The following ALK variants were observed in gnomAD, a reference collection of about 807,000 sequenced individuals.
The protein encoded by ALK is ALK receptor tyrosine kinase.
Under a neutral mutation model 163.1 loss-of-function variants are expected in ALK, and 74 were observed. The observed-to-expected ratio is 0.45, with a 90% CI of 0.38 to 0.55. The LOEUF (loss-of-function observed/expected upper bound fraction) is 0.55. Ranked by LOEUF, ALK falls within the 20% of genes least tolerant of loss-of-function variation. The pLI is 0.00. For synonymous variants in ALK, 960 were observed against 843.2 expected, an observed-to-expected ratio of 1.14 and a Z score of -2.40; for missense variants, 2,063 against 2,105.3, an observed-to-expected ratio of 0.98 and a Z score of 0.39.
intron 4 of ALK, among the ~76,000 whole-genome samples, chr2:29,481,322 C>T (rs1248408766): frequency 6.6e-6 from 1 of 152,162 alleles, no homozygotes; most frequent in Non-Finnish European, 1.5e-5. Flanking sequence ...AAGCAACTCC[C>T]CTGTAAACAA....
At position 29,326,543 on chromosome 2, in the gene ALK, GCAGGA is replaced by G. The variant is rs200273729; in HGVS notation, c.1414+1802_1414+1806del. 8.6e-3 allele frequency among the ~76,000 whole-genome samples: 1,317 copies of G among 152,282 alleles called. 31 individuals are homozygous for G. The highest frequency in any genetic ancestry group is 0.03 in the African/African-American group (1,229 of 41,548). ...CAGGCCCCTGAACAGGGCACTGTGG[GCAGGA>G]CTGGCTTCACTTTGGGCCATGTGTG... is the stretch of plus-strand genomic sequence containing the variant. On this transcript the variant is annotated intron_variant, in intron 6 of 28. Transcript: ENST00000389048.
intron 3 of ALK, among the ~76,000 whole-genome samples, chr2:29,582,754 A>G (rs759346119): frequency 7.9e-5 from 12 of 152,218 alleles, no homozygotes; most frequent in Non-Finnish European, 1.3e-4. Context: ...TAAAATACAG[A>G]TGCAGAGAAA....
At chr2:29,903,460 C>T (rs915222689) in intron 1 of ALK, among the ~76,000 whole-genome samples, 23 of 152,144 alleles carry the variant, frequency 1.5e-4, no homozygotes, top group Non-Finnish European at 7.4e-5. Flanking sequence ...TCAAACACTC[C>T]CTTGTCCCTC....
intron 1 of ALK, among the ~76,000 whole-genome samples, chr2:29,906,463 AAGG>A (rs1244771068): frequency 1.4e-4 from 21 of 152,202 alleles, no homozygotes; most frequent in Non-Finnish European, 2.5e-4. Context: ...GAATGAAAAG[AAGG>A]AGGAGACAAA....
chr2:29,593,336 G>C (rs1675115832), intron 3 of ALK, among the ~76,000 whole-genome samples: 1 of 152,220 alleles, frequency 6.6e-6, no homozygotes, highest in South Asian at 2.1e-4. Flanking sequence ...TGCCTATGGA[G>C]AAACAGGGAG....
intron 9 of ALK, among the ~76,000 whole-genome samples, chr2:29,279,652 G>T (rs757504488): frequency 6.6e-6 from 1 of 152,218 alleles, no homozygotes; most frequent in Non-Finnish European, 1.5e-5. Context: ...GTGCCTGGTT[G>T]TGTGTCTTTA....
At chr2:29,650,275 T>C (rs1013360808) in intron 3 of ALK, among the ~76,000 whole-genome samples, 1 of 152,152 alleles carries the variant, frequency 6.6e-6, no homozygotes, top group Admixed American at 6.5e-5. Context: ...CCAGACCCCA[T>C]CCTGAAGCCA....
At chr2:29,668,280 C>T (rs10189086) in intron 3 of ALK, among the ~76,000 whole-genome samples, 13,661 of 151,532 alleles carry the variant, frequency 0.09, 1,217 homozygotes, top group African/African-American at 0.23. Context: ...TTTATTTCTG[C>T]TCTGGTATTT....
At chr2:29,210,300 T>C (rs1211067414) in intron 24 of ALK, among the ~76,000 whole-genome samples, 1 of 152,218 alleles carries the variant, frequency 6.6e-6, no homozygotes, top group African/African-American at 2.4e-5. Flanking sequence ...CCATAAGGAA[T>C]GCTATCTGGC....
chr2:29,260,441 T>A (rs946633868), intron 11 of ALK, among the ~76,000 whole-genome samples: 3 of 152,232 alleles, frequency 2.0e-5, no homozygotes, highest in South Asian at 4.1e-4. Flanking sequence ...TCTTCTGTTA[T>A]GTATTTTTAT....
intron 13 of ALK, among the ~76,000 whole-genome samples, chr2:29,236,613 C>T (rs747921311): frequency 2.0e-5 from 3 of 152,162 alleles, no homozygotes; most frequent in Non-Finnish European, 4.4e-5. Context: ...AAGGCTCTTG[C>T]TGGACCAGTA....
intron 1 of ALK, among the ~76,000 whole-genome samples, chr2:29,742,644 A>AG (rs1402061453): frequency 1.3e-5 from 2 of 152,208 alleles, no homozygotes; most frequent in Non-Finnish European, 2.9e-5. Flanking sequence ...CAGCAACCAT[A>AG]GCTCAGGGCC....
chr2:29,771,018 T>C (rs1488197497), intron 1 of ALK, among the ~76,000 whole-genome samples: 1 of 138,600 alleles, frequency 7.2e-6, no homozygotes. Context: ...CATACACAAA[T>C]ACACACAAAC....
chr2:29,577,529 G>A (rs1674557814), intron 3 of ALK, among the ~76,000 whole-genome samples: 1 of 152,320 alleles, frequency 6.6e-6, no homozygotes, highest in East Asian at 1.9e-4. Context: ...AGTCTACACG[G>A]AGGAGATCTG....
chr2:29,422,298 C>CTTTTTTTTTTTTTTTTTT (rs1670033988), intron 4 of ALK, among the ~76,000 whole-genome samples: 2 of 151,314 alleles, frequency 1.3e-5, no homozygotes, highest in African/African-American at 4.9e-5. Context: ...TCCTGACTTT[C>CTTTTTTTTTTTTTTTTTT]TTACTAATAG....
chr2:29,683,065 C>T (rs531592763), intron 3 of ALK, among the ~76,000 whole-genome samples: 6 of 152,206 alleles, frequency 3.9e-5, no homozygotes, highest in African/African-American at 1.4e-4. Flanking sequence ...ACGAGTAATA[C>T]TCAACACAGG....
chr2:29,734,149 T>C (rs1679824403), intron 1 of ALK, among the ~76,000 whole-genome samples: 1 of 152,184 alleles, frequency 6.6e-6, no homozygotes, highest in African/African-American at 2.4e-5. Flanking sequence ...GGCCCAGGAC[T>C]CAGCCTCCTT....
chr2:29,295,341 A>C (rs1000878186), intron 9 of ALK, among the ~76,000 whole-genome samples: 3 of 152,260 alleles, frequency 2.0e-5, no homozygotes, highest in East Asian at 1.9e-4. Context: ...GAGAAAAAAA[A>C]CACTTTGATT....
intron 1 of ALK, among the ~76,000 whole-genome samples, chr2:29,756,680 C>T (rs1337518146): frequency 6.6e-6 from 1 of 152,130 alleles, no homozygotes; most frequent in East Asian, 1.9e-4. Context: ...GCACGCACCA[C>T]CACGACTGGC....
Sources: gnomAD v4.1 joint callset for allele counts (sites outside exome capture counted in the v4.1 genomes callset) on GRCh38, gnomAD v4.1.1 for gene constraint, MANE v1.5 for transcripts, NCBI Gene and HGNC (gene_info 2026-07-23, HGNC 2026-07-21) for gene names.